TM9SF4: variants seen among roughly 807,000 people sequenced by gnomAD.
The protein encoded by TM9SF4 is transmembrane 9 superfamily member 4.
A neutral mutation model predicts 90.4 loss-of-function variants in TM9SF4; 26 were observed. That is an observed-to-expected ratio of 0.29 (90% CI 0.21 to 0.40). The LOEUF is 0.40. Ranked by LOEUF, TM9SF4 falls within the 10% of genes least tolerant of loss-of-function variation. The pLI is 1.00. For synonymous variants in TM9SF4, 293 were observed against 315.4 expected, an observed-to-expected ratio of 0.93 and a Z score of 0.75; for missense variants, 549 against 834.8, an observed-to-expected ratio of 0.66 and a Z score of 4.22.
At chr20:32,110,620 C>T (rs1182147667) in intron 1 of TM9SF4, among the ~76,000 whole-genome samples, 2 of 152,132 alleles carry the variant, frequency 1.3e-5, no homozygotes, top group Non-Finnish European at 2.9e-5. Context: ...CTAATAGCCC[C>T]ACCTCACTGC....
Position 32,159,984 on chromosome 20 carries a change from G to C in TM9SF4, c.1570-8G>C. 6.2e-7 allele frequency: 1 copy of C among 1,614,238 alleles called. No individual in the cohort carries two copies. Among genetic ancestry groups the C allele is most frequent in the Non-Finnish European group, 8.5e-7 (1 of 1,180,030 alleles). ...CAAGCCAGCTGAAGCCCCACTGTGT[G>C]TCCACAGGCTATCTGGGAGAATCAG... On this transcript the variant is annotated splice_region_variant and splice_polypyrimidine_tract_variant and intron_variant, in intron 15 of 17. Transcript: ENST00000398022.
At chr20:32,121,878 G>T (rs2046315042) in intron 1 of TM9SF4, among the ~76,000 whole-genome samples, 1 of 149,312 alleles carries the variant, frequency 6.7e-6, no homozygotes, top group Non-Finnish European at 1.5e-5. Flanking sequence ...GCCGGGCGGG[G>T]GGCTGACCCC....
intron 9 of TM9SF4, among the ~76,000 whole-genome samples, chr20:32,147,424 A>T (rs1018062143): frequency 6.6e-6 from 1 of 152,250 alleles, no homozygotes; most frequent in Admixed American, 6.5e-5. Flanking sequence ...ATTTGACATT[A>T]AAAATTGTAA....
intron 1 of TM9SF4, among the ~76,000 whole-genome samples, chr20:32,112,328 T>C (rs571604037): frequency 6.6e-6 from 1 of 152,150 alleles, no homozygotes; most frequent in Non-Finnish European, 1.5e-5. Context: ...GGTGGGAGGA[T>C]CACTTGAACC....
chr20:32,135,987 A>G, intron 2 of TM9SF4, 87 bp from the exon 3 acceptor site: 4 of 1,128,724 alleles, frequency 3.5e-6, no homozygotes, highest in East Asian at 2.4e-5. Flanking sequence ...TCGTTTGCCT[A>G]TTAGTTAATA....
intron 2 of TM9SF4, among the ~76,000 whole-genome samples, chr20:32,134,183 C>T (rs1191177420): frequency 2.0e-5 from 3 of 152,076 alleles, no homozygotes; most frequent in Admixed American, 6.5e-5. Flanking sequence ...CCCTCCAGAG[C>T]AGAGGAGTGG....
At chr20:32,134,677 T>C (rs1264527525) in intron 2 of TM9SF4, among the ~76,000 whole-genome samples, 1 of 145,600 alleles carries the variant, frequency 6.9e-6, no homozygotes, top group Non-Finnish European at 1.5e-5. Context: ...TTTTCTTTTC[T>C]TTTTTTTTTT....
In TM9SF4 at chr20:32,151,892, C is replaced by T. The variant is rs572304347; in HGVS notation, c.1245+1017C>T. ...TTGTTTTTTTTTTTAGACGGAGTCT[C>T]GCTCTGTTGCCCAGGCTGGAGTGCA... On this transcript the variant is annotated intron_variant, in intron 12 of 17. Coordinates refer to ENST00000398022, the MANE Select transcript of TM9SF4 (RefSeq NM_014742.4). 3.3e-5 allele frequency among the ~76,000 whole-genome samples: 5 copies of T among 149,784 alleles called. No individual in the cohort carries two copies. In the East Asian group the frequency reaches 5.9e-4, roughly 18 times the overall value.
chr20:32,138,732 T>C (rs2046628956), intron 3 of TM9SF4, among the ~76,000 whole-genome samples: 1 of 152,238 alleles, frequency 6.6e-6, no homozygotes. Context: ...CTAAACTTAA[T>C]TTTTAAATAT....
intron 1 of TM9SF4, chr20:32,110,063 A>G: frequency 7.7e-7 from 1 of 1,302,154 alleles, no homozygotes. Context: ...TCCATTTCTC[A>G]CCTCCCTGTC....
Position 32,166,269 on chromosome 20 carries a change from T to A in TM9SF4, c.*825T>A, listed in dbSNP as rs989588284. ...GAAACCCTGGACCTGGGGCCAAGTA[T>A]TTCCCAAGCCAAGCATCCACTTGTC... On this transcript the variant is annotated 3_prime_UTR_variant, in exon 18 of 18. Coordinates refer to ENST00000398022, the MANE Select transcript of TM9SF4 (RefSeq NM_014742.4). 10 of 152,852 alleles carry A rather than the reference T, an allele frequency of 6.5e-5. No homozygotes were observed. The highest frequency in any genetic ancestry group is 1.3e-4 in the Non-Finnish European group (9 of 68,202). 9.5% of individuals were successfully genotyped at this position (152,852 alleles called of 1,614,324 possible).
chr20:32,152,985 C>G (rs888825683), intron 12 of TM9SF4, among the ~76,000 whole-genome samples: 1 of 152,138 alleles, frequency 6.6e-6, no homozygotes, highest in Non-Finnish European at 1.5e-5. Flanking sequence ...CTGTGCTACA[C>G]AACAGAGTCA....
At chr20:32,140,416 G>T (rs978937320) in intron 3 of TM9SF4, among the ~76,000 whole-genome samples, 1 of 152,174 alleles carries the variant, frequency 6.6e-6, no homozygotes, top group African/African-American at 2.4e-5. Context: ...CTGGAACCAG[G>T]ATCTGAAGAC....
intron 1 of TM9SF4, among the ~76,000 whole-genome samples, chr20:32,129,240 C>G (rs2046473773): frequency 6.6e-6 from 1 of 152,158 alleles, no homozygotes; most frequent in Admixed American, 6.5e-5. Flanking sequence ...ACACTTATAT[C>G]TCAGCACTTT....
intron 8 of TM9SF4, among the ~76,000 whole-genome samples, chr20:32,146,338 C>T (rs1341922810): frequency 2.0e-5 from 3 of 152,026 alleles, no homozygotes; most frequent in African/African-American, 2.4e-5. Flanking sequence ...TCGAAGCACG[C>T]GTAGGAGTCA....
In TM9SF4 at chr20:32,141,894, A is replaced by G; in HGVS notation, c.527A>G (p.Lys176Arg). 2 of 1,614,006 alleles carry G rather than the reference A, an allele frequency of 1.2e-6. No individual in the cohort carries two copies. Among genetic ancestry groups the G allele is most frequent in the Non-Finnish European group, 1.7e-6 (2 of 1,179,970 alleles). Reference sequence around the variant, plus strand: ...CGGCTCGGCTTCACAGATGTCAACAAGGTAGAGTGTCTTTGGCGTGCTCAC... The same window carrying G: ...CGGCTCGGCTTCACAGATGTCAACAGGGTAGAGTGTCTTTGGCGTGCTCAC... ...GYRLGFTDVN[K>R]IYLHNHLSFI... is the part of the protein sequence containing the mutation. Residue 176 changes from lysine to arginine, a missense_variant and splice_region_variant, in exon 5 of 18, where the codon AAG becomes AGG. By Grantham distance (26) the Lys-to-Arg change is conservative. Around this residue, in one of 2 missense-constraint regions of TM9SF4, gnomAD observed 495 missense variants for 711.7 expected, o/e 0.70. Coordinates refer to ENST00000398022, the MANE Select transcript of TM9SF4 (RefSeq NM_014742.4).
At chr20:32,115,013 A>G (rs187755543) in intron 1 of TM9SF4, among the ~76,000 whole-genome samples, 1 of 152,252 alleles carries the variant, frequency 6.6e-6, no homozygotes, top group East Asian at 1.9e-4. Flanking sequence ...ATAAAATCAG[A>G]CTTATTTTGT....
intron 13 of TM9SF4, 40 bp from the exon 14 acceptor site, chr20:32,157,754 A>G: frequency 6.2e-7 from 1 of 1,608,310 alleles, no homozygotes; most frequent in Non-Finnish European, 8.5e-7. Context: ...CATCCCGGGC[A>G]TCAGGGCCTC....
intron 1 of TM9SF4, among the ~76,000 whole-genome samples, chr20:32,119,168 G>C (rs549613536): frequency 1.3e-5 from 2 of 152,070 alleles, no homozygotes; most frequent in Non-Finnish European, 2.9e-5. Flanking sequence ...AAAGAAAAGA[G>C]GTTTATTTGG....
Sources: allele counts gnomAD v4.1 joint callset (sites outside exome capture counted in the v4.1 genomes callset), GRCh38; gene constraint gnomAD v4.1.1; regional missense constraint gnomAD v4.1.1; transcripts MANE v1.5; gene names NCBI Gene and HGNC (gene_info 2026-07-23, HGNC 2026-07-21).